Variants in GPC5 observed in about 807,000 individuals in gnomAD.
GPC5 encodes glypican 5.
GPC5 carries 47 observed loss-of-function variants against 53.9 expected under a neutral mutation model. The observed-to-expected ratio is 0.87, with a 90% confidence interval of 0.69 to 1.11. The LOEUF is 1.11. GPC5 is among the 50% of genes most tolerant of loss of function. The probability of loss-of-function intolerance (pLI) is 0.00; values close to 1 mark genes in which losing one functional copy is unlikely to be tolerated. For synonymous variants in GPC5, 286 were observed against 263.3 expected, an observed-to-expected ratio of 1.09 and a Z score of -0.84; for missense variants, 748 against 713.1, an observed-to-expected ratio of 1.05 and a Z score of -0.56.
At chr13:91,915,168 T>A (rs188013410) in intron 6 of GPC5, among the ~76,000 whole-genome samples, 2 of 152,308 alleles carry the variant, frequency 1.3e-5, no homozygotes, top group East Asian at 3.9e-4. Flanking sequence ...AGCAATGCAG[T>A]AGTGATCAAA....
At chr13:92,411,218 C>T (rs906021434) in intron 7 of GPC5, among the ~76,000 whole-genome samples, 2 of 152,126 alleles carry the variant, frequency 1.3e-5, no homozygotes, top group South Asian at 4.2e-4. Context: ...TGCAGTGAGC[C>T]GAGATCACGC....
rs141337073 is a variant in GPC5 at position 91,863,004 on chromosome 13, C to G, written c.1281-44933C>G. Among the ~76,000 whole-genome samples, 1,444 of 150,934 alleles carry G rather than the reference C, an allele frequency of 9.6e-3. 14 individuals are homozygous for G. Among genetic ancestry groups the G allele is most frequent in the Non-Finnish European group, 0.016 (1,114 of 67,630 alleles). ...TCTTTCCCCTTCCTTTTTCTCCTCC[C>G]TCTCCCTTTCCCTTCCCCCACCCCT... On this transcript the variant is annotated intron_variant, in intron 5 of 7. Transcript: ENST00000377067.
At chr13:92,409,695 A>G (rs1426715106) in intron 7 of GPC5, among the ~76,000 whole-genome samples, 1 of 152,188 alleles carries the variant, frequency 6.6e-6, no homozygotes, top group Non-Finnish European at 1.5e-5. Flanking sequence ...CTAGAGCAAC[A>G]GTCACACATT....
At chr13:91,775,162 C>A (rs773154125) in intron 5 of GPC5, among the ~76,000 whole-genome samples, 1 of 152,040 alleles carries the variant, frequency 6.6e-6, no homozygotes, top group Admixed American at 6.5e-5. Context: ...GAGAGATGAG[C>A]GGAAGAGGTT....
chr13:92,389,416 C>T (rs1032234001), intron 7 of GPC5, among the ~76,000 whole-genome samples: 10 of 152,128 alleles, frequency 6.6e-5, no homozygotes, highest in African/African-American at 2.2e-4. Flanking sequence ...AGGCACACAC[C>T]TTTCACACAA....
chr13:92,334,356 A>G (rs1338757052), intron 7 of GPC5, among the ~76,000 whole-genome samples: 1 of 152,114 alleles, frequency 6.6e-6, no homozygotes, highest in Non-Finnish European at 1.5e-5. Context: ...ACAGCATGAG[A>G]AAAGCCCACC....
At chr13:92,255,165 G>C (rs1218331717) in intron 7 of GPC5, among the ~76,000 whole-genome samples, 2 of 152,044 alleles carry the variant, frequency 1.3e-5, no homozygotes, top group African/African-American at 2.4e-5. Context: ...ATATTCTTGG[G>C]AGTCTTGCAA....
intron 7 of GPC5, among the ~76,000 whole-genome samples, chr13:92,479,590 C>G (rs966936821): frequency 6.6e-6 from 1 of 152,100 alleles, no homozygotes; most frequent in Non-Finnish European, 1.5e-5. Flanking sequence ...GACATAGTTC[C>G]TCCTCCTCCC....
chr13:92,411,277 TA>T lies in GPC5; in HGVS notation c.1561+266297del, dbSNP rs376191511. Reference sequence around the variant, plus strand: ...ATAGCGAGACTCTATCTCAAAAAGATAAAAAAAAAGAATGCTTACTTGAGAT... The same window carrying T: ...ATAGCGAGACTCTATCTCAAAAAGATAAAAAAAAGAATGCTTACTTGAGAT... On this transcript the variant is annotated intron_variant, in intron 7 of 7. Coordinates refer to ENST00000377067, the MANE Select transcript of GPC5 (RefSeq NM_004466.6). Among the ~76,000 whole-genome samples the T allele has an allele frequency of 9.2e-3, 1,393 of 150,822 alleles. 13 individuals are homozygous for T. The highest frequency in any genetic ancestry group is 0.031 in the African/African-American group (1,294 of 41,214).
At chr13:92,189,485 T>C (rs9560964) in intron 7 of GPC5, among the ~76,000 whole-genome samples, 52,978 of 151,904 alleles carry the variant, frequency 0.35, 10,646 homozygotes, top group East Asian at 0.7. Context: ...ACCCTAAATA[T>C]TAGACTGTAG....
At chr13:92,324,278 A>G (rs2043235627) in intron 7 of GPC5, among the ~76,000 whole-genome samples, 1 of 152,012 alleles carries the variant, frequency 6.6e-6, no homozygotes, top group African/African-American at 2.4e-5. Flanking sequence ...ATACTTGTGG[A>G]ATGAATGTAT....
chr13:92,617,873 A>G (rs554540365), intron 7 of GPC5, among the ~76,000 whole-genome samples: 1 of 152,248 alleles, frequency 6.6e-6, no homozygotes, highest in Admixed American at 6.5e-5. Flanking sequence ...TTCAAGGTAC[A>G]TGTGCACAAC....
intron 6 of GPC5, among the ~76,000 whole-genome samples, chr13:92,091,548 A>AAT (rs1414129644): frequency 6.6e-6 from 1 of 152,144 alleles, no homozygotes; most frequent in Non-Finnish European, 1.5e-5. Context: ...TATATGCTAT[A>AAT]ATATACCAGT....
At chr13:91,875,200 G>A (rs1423657987) in intron 5 of GPC5, among the ~76,000 whole-genome samples, 2 of 152,168 alleles carry the variant, frequency 1.3e-5, no homozygotes, top group Non-Finnish European at 2.9e-5. Flanking sequence ...TCTACACAAA[G>A]CAGAAATATT....
intron 7 of GPC5, among the ~76,000 whole-genome samples, chr13:92,520,064 C>A (rs188212848): frequency 2.0e-5 from 3 of 152,232 alleles, no homozygotes; most frequent in Admixed American, 2.0e-4. Context: ...ATACACCCTT[C>A]CAAGACTAAA....
intron 7 of GPC5, among the ~76,000 whole-genome samples, chr13:92,810,032 G>T (rs141880047): frequency 0.011 from 1,742 of 152,084 alleles, 43 homozygotes; most frequent in African/African-American, 0.04. Context: ...CTATAAAAGA[G>T]ATTTCACTTA....
At chr13:91,660,288 C>T (rs2034955838) in intron 2 of GPC5, among the ~76,000 whole-genome samples, 2 of 152,130 alleles carry the variant, frequency 1.3e-5, no homozygotes, top group South Asian at 2.1e-4. Context: ...GTTGTGGCAG[C>T]TTGTGGGTCA....
intron 4 of GPC5, among the ~76,000 whole-genome samples, chr13:91,750,341 T>C (rs2037144445): frequency 6.6e-6 from 1 of 152,188 alleles, no homozygotes; most frequent in South Asian, 2.1e-4. Flanking sequence ...TAGAGATAGA[T>C]GAAGCACAAG....
chr13:92,323,230 A>C (rs2139225616), intron 7 of GPC5, among the ~76,000 whole-genome samples: 1 of 151,140 alleles, frequency 6.6e-6, no homozygotes, highest in East Asian at 1.9e-4. Context: ...GTACTTAGGG[A>C]AGATATATAT....
Sources: allele counts gnomAD v4.1 joint callset (sites outside exome capture counted in the v4.1 genomes callset), GRCh38; gene constraint gnomAD v4.1.1; transcripts MANE v1.5; gene names NCBI Gene and HGNC (gene_info 2026-07-23, HGNC 2026-07-21).